Variants in EAPP observed in about 807,000 individuals in gnomAD.
EAPP encodes E2F associated phosphoprotein, also known as E2F-associated phosphoprotein.
A neutral mutation model predicts 34.3 loss-of-function variants in EAPP; 38 were observed. The observed-to-expected ratio is 1.11, with a 90% CI of 0.85 to 1.45. EAPP has a LOEUF of 1.45. Among genes scored for constraint, EAPP ranks in the 40% most tolerant of loss-of-function variants. The pLI, the probability that EAPP is intolerant of heterozygous loss-of-function variation, is 0.00. For synonymous variants in EAPP, 113 were observed against 117.6 expected (o/e 0.96, Z 0.25); for missense variants, 338 against 343.7 (o/e 0.98, Z 0.13).
intron 3 of EAPP, among the ~76,000 whole-genome samples, chr14:34,530,527 TA>T (rs1354878625): frequency 2.0e-5 from 3 of 151,872 alleles, no homozygotes; most frequent in Non-Finnish European, 1.5e-5. Flanking sequence ...GACCTATCTC[TA>T]AAAAAGTAAA....
intron 4 of EAPP, among the ~76,000 whole-genome samples, chr14:34,525,070 G>T (rs1880051419): frequency 6.6e-6 from 1 of 152,056 alleles, no homozygotes; most frequent in Admixed American, 6.6e-5. Flanking sequence ...AGCTGAAACT[G>T]AGCAACAAAA....
chr14:34,516,720 G>C (rs1348291336), intron 5 of EAPP, 134 bp from the exon 6 acceptor site: 2 of 874,060 alleles, frequency 2.3e-6, no homozygotes, highest in Non-Finnish European at 1.7e-6. Context: ...AAAACAGCAA[G>C]TTTAAAGAAA....
chr14:34,535,796 C>T (rs970137341), intron 2 of EAPP: 2 of 228,610 alleles, frequency 8.7e-6, no homozygotes, highest in African/African-American at 2.3e-5. Flanking sequence ...ATTCAAGAAA[C>T]GGAGGTGGGA....
rs752429805 is a variant in EAPP, at chr14:34,539,608, G to A, written c.21C>T (p.Asp7=). Residue 7 remains aspartate, a synonymous_variant, in exon 1 of 6, where the codon GAC becomes GAT. Transcript: ENST00000250454. ...GCTCTTCAACCGCGTAGGGGTCGTA[G>A]TCATCCGGAAGCCGGTTCATGGTGG... The part of the protein sequence containing the change: MNRLPD[D]YDPYAVEEPS... The A allele has an allele frequency of 5.1e-6, 8 of 1,581,976 alleles. No homozygotes were observed. The highest frequency in any genetic ancestry group is 6.9e-6 in the Non-Finnish European group (8 of 1,162,400).
chr14:34,528,885 C>T (rs1203492176), intron 4 of EAPP, among the ~76,000 whole-genome samples: 1 of 151,762 alleles, frequency 6.6e-6, no homozygotes, highest in African/African-American at 2.4e-5. Context: ...GCCTGTAATC[C>T]CAGCACTTTG....
intron 3 of EAPP, 136 bp downstream of exon 3, chr14:34,533,308 T>G: frequency 1.4e-6 from 1 of 696,122 alleles, no homozygotes; most frequent in Non-Finnish European, 2.4e-6. Context: ...GTGCTGCCAT[T>G]ACAGGTGTGA....
intron 5 of EAPP, among the ~76,000 whole-genome samples, chr14:34,517,712 G>A (rs1429204685): frequency 2.0e-5 from 3 of 150,486 alleles, no homozygotes; most frequent in Non-Finnish European, 3.0e-5. Context: ...GGGTTTTTTG[G>A]GGTCTCAATT....
At chr14:34,522,063 A>G (rs890103072) in intron 5 of EAPP, among the ~76,000 whole-genome samples, 1 of 152,088 alleles carries the variant, frequency 6.6e-6, no homozygotes, top group African/African-American at 2.4e-5. Context: ...GGCTCAAGTG[A>G]TCTTCCCACC....
At chr14:34,534,840 ATTTT>A (rs373663033) in intron 2 of EAPP, among the ~76,000 whole-genome samples, 1 of 141,034 alleles carries the variant, frequency 7.1e-6, no homozygotes. Flanking sequence ...GTCTCCACAA[ATTTT>A]TTTTTTTTTT....
At chr14:34,531,240 G>A (rs2138900078) in intron 3 of EAPP, among the ~76,000 whole-genome samples, 1 of 152,198 alleles carries the variant, frequency 6.6e-6, no homozygotes, top group East Asian at 1.9e-4. Context: ...AGGAGGCAGA[G>A]GCTACAGTGA....
At chr14:34,537,200 A>G (rs553487333) in intron 1 of EAPP, among the ~76,000 whole-genome samples, 20 of 152,084 alleles carry the variant, frequency 1.3e-4, no homozygotes, top group Non-Finnish European at 2.8e-4. Flanking sequence ...CAGTAAAGAC[A>G]TGATTTCATC....
intron 2 of EAPP, among the ~76,000 whole-genome samples, chr14:34,534,693 C>T (rs1454360405): frequency 6.6e-6 from 1 of 151,834 alleles, no homozygotes; most frequent in Non-Finnish European, 1.5e-5. Flanking sequence ...TTTCCAAGAA[C>T]ACAAGACAGT....
chr14:34,529,706 C>T (rs1203662982), intron 3 of EAPP, among the ~76,000 whole-genome samples: 1 of 151,678 alleles, frequency 6.6e-6, no homozygotes, highest in African/African-American at 2.4e-5. Context: ...ATGGCGAAAC[C>T]CCGTCTCTAC....
Position 34,516,299 on chromosome 14 carries a change from A to C in EAPP, c.*11T>G. ...ATACAGTATTGGGTAATTAAATGCC[A>C]GTTGGGCTGTTTAGGAATGGCTTGC... On this transcript the variant is annotated 3_prime_UTR_variant, in exon 6 of 6. Coordinates refer to ENST00000250454, the MANE Select transcript of EAPP (RefSeq NM_018453.4). 6.2e-7 allele frequency: 1 copy of C among 1,602,510 alleles called. No homozygotes were observed. Among genetic ancestry groups the C allele is most frequent in the East Asian group, 2.2e-5 (1 of 44,780 alleles).
intron 5 of EAPP, 34 bp downstream of exon 5, chr14:34,524,653 ATGTATGTGTG>A: frequency 3.4e-6 from 3 of 874,606 alleles, no homozygotes; most frequent in Non-Finnish European, 5.2e-6. Context: ...TAAACAAAAT[ATGTATGTGTG>A]TGTGTGTGTG....
At position 34,532,669 on chromosome 14, in the gene EAPP, C is replaced by T. The variant is rs184031106; in HGVS notation, c.352+775G>A. ...TGCCATGTCCTCACATGCCTGTGTC[C>T]CCAGCTTTTTTTTTTTTTTTTTTGA... On this transcript the variant is annotated intron_variant, in intron 3 of 5. Coordinates refer to ENST00000250454, the MANE Select transcript of EAPP (RefSeq NM_018453.4). Among the ~76,000 whole-genome samples, 11 of 151,768 alleles carry T rather than the reference C, an allele frequency of 7.2e-5. No individual in the cohort carries two copies. The East Asian group carries it at 2.1e-3, about 29-fold the overall frequency.
At position 34,528,232 on chromosome 14, in the gene EAPP, C is replaced by T. The variant is rs150818474; in HGVS notation, c.470+1126G>A. 3.8e-3 allele frequency among the ~76,000 whole-genome samples: 571 copies of T among 151,882 alleles called. 1 individual carries two copies. The highest frequency in any genetic ancestry group is 0.013 in the African/African-American group (540 of 41,438). On this transcript the variant is annotated intron_variant, in intron 4 of 5. Coordinates refer to ENST00000250454, the MANE Select transcript of EAPP (RefSeq NM_018453.4). ...TGTATTTTTAGTAGAGATGGGGTTT[C>T]GCCATGTTGGCCAGGCTGGTCTTGA...
intron 4 of EAPP, among the ~76,000 whole-genome samples, chr14:34,525,511 C>G (rs1880065055): frequency 1.3e-5 from 2 of 152,092 alleles, no homozygotes; most frequent in South Asian, 4.1e-4. Flanking sequence ...CAAATTCCAA[C>G]AGAGGGGCCT....
chr14:34,516,114 A>C lies in EAPP; in HGVS notation c.*196T>G. ...AGAATGAATATCAGTCCCATCAATA[A>C]GGGGGAAAATCAAAGAAAAAAAAAA... On this transcript the variant is annotated 3_prime_UTR_variant, in exon 6 of 6. Coordinates refer to ENST00000250454, the MANE Select transcript of EAPP (RefSeq NM_018453.4). The C allele has an allele frequency of 4.0e-6, 2 of 504,382 alleles. No individual in the cohort carries two copies. Among genetic ancestry groups the C allele is most frequent in the Non-Finnish European group, 3.4e-6 (1 of 295,042 alleles). The allele number at this position is 504,382 out of a possible 1,614,324, so 31.2% of individuals were successfully genotyped here.
Sources: gnomAD v4.1 joint callset for allele counts (sites outside exome capture counted in the v4.1 genomes callset) on GRCh38, gnomAD v4.1.1 for gene constraint, MANE v1.5 for transcripts, NCBI Gene and HGNC (gene_info 2026-07-23, HGNC 2026-07-21) for gene names.